Variants in ABCA1 observed in about 807,000 individuals in gnomAD.
ABCA1 encodes ATP binding cassette subfamily A member 1.
Under a neutral mutation model 262.5 loss-of-function variants are expected in ABCA1, and 133 were observed. The observed-to-expected ratio is 0.51, with a 90% CI of 0.44 to 0.59. The LOEUF is 0.59. Ranked by LOEUF, ABCA1 falls within the 20% of genes least tolerant of loss-of-function variation. The pLI is 0.00. For missense variants in ABCA1, 2,452 were observed against 2,777.5 expected (o/e 0.88, Z 2.63); for synonymous variants, 1,022 against 1,043.5 (o/e 0.98, Z 0.40).
intron 4 of ABCA1, among the ~76,000 whole-genome samples, chr9:104,884,181 T>C (rs1588501181): frequency 1.3e-5 from 2 of 152,098 alleles, no homozygotes; most frequent in Non-Finnish European, 2.9e-5. Flanking sequence ...TATTCCAAAA[T>C]AGCTAGCAGA....
chr9:104,800,543 A>T lies in ABCA1; in HGVS notation c.4740T>A (p.Phe1580Leu). Reference sequence around the variant, plus strand: ...TATTTTTGGTGTCCAGTCCTGTCATAAATCTTCCCAAGCTGTTGAGAAATC... The same window carrying T: ...TATTTTTGGTGTCCAGTCCTGTCATTAATCTTCCCAAGCTGTTGAGAAATC... ...ADRFLNSLGR[F>L]MTGLDTKNNV... Residue 1580 changes from phenylalanine to leucine, a missense_variant, in exon 35 of 50, where the codon TTT becomes TTA. Phe to Leu is a conservative substitution (Grantham distance 22). Coordinates refer to ENST00000374736, the MANE Select transcript of ABCA1 (RefSeq NM_005502.4). 1 of 1,614,138 alleles carries T rather than the reference A, an allele frequency of 6.2e-7. No individual in the cohort carries two copies. Among genetic ancestry groups the T allele is most frequent in the East Asian group, 2.2e-5 (1 of 44,884 alleles).
intron 4 of ABCA1, among the ~76,000 whole-genome samples, chr9:104,883,583 G>A (rs1450301845): frequency 6.6e-6 from 1 of 152,200 alleles, no homozygotes; most frequent in Non-Finnish European, 1.5e-5. Flanking sequence ...AAAAATGTAT[G>A]AATAATCATG....
At chr9:104,835,564 T>C (rs147923633) in intron 11 of ABCA1, among the ~76,000 whole-genome samples, 1 of 152,284 alleles carries the variant, frequency 6.6e-6, no homozygotes, top group East Asian at 1.9e-4. Flanking sequence ...TCTTGCCTCA[T>C]CCTTCTTCAA....
intron 2 of ABCA1, among the ~76,000 whole-genome samples, chr9:104,892,295 T>C (rs1839820023): frequency 1.3e-5 from 2 of 152,084 alleles, no homozygotes; most frequent in Non-Finnish European, 2.9e-5. Context: ...TTTCTTTTTT[T>C]TTAATAGCAA....
At chr9:104,857,490 CGAAA>C (rs1835946357) in intron 7 of ABCA1, among the ~76,000 whole-genome samples, 1 of 152,222 alleles carries the variant, frequency 6.6e-6, no homozygotes, top group African/African-American at 2.4e-5. Context: ...CCGTGGCATC[CGAAA>C]GTGGTGGGAT....
intron 1 of ABCA1, among the ~76,000 whole-genome samples, chr9:104,909,239 A>C (rs1337029400): frequency 6.6e-6 from 1 of 152,232 alleles, no homozygotes; most frequent in Non-Finnish European, 1.5e-5. Flanking sequence ...ATCACATGCC[A>C]GGTGTGTTCC....
intron 7 of ABCA1, among the ~76,000 whole-genome samples, chr9:104,852,677 G>A (rs1835476397): frequency 6.6e-6 from 1 of 151,864 alleles, no homozygotes; most frequent in Admixed American, 6.6e-5. Flanking sequence ...AGAGTCTGAA[G>A]AGTAAATCTA....
At chr9:104,900,574 G>A (rs1019703226) in intron 2 of ABCA1, among the ~76,000 whole-genome samples, 1 of 152,228 alleles carries the variant, frequency 6.6e-6, no homozygotes, top group African/African-American at 2.4e-5. Flanking sequence ...TCTAAGCCAG[G>A]TGGATTGGAA....
chr9:104,845,456 T>A (rs1452835656), intron 8 of ABCA1, 21 bp downstream of exon 8: 2 of 1,575,034 alleles, frequency 1.3e-6, no homozygotes, highest in Non-Finnish European at 1.7e-6. Context: ...CGCTTCCTGG[T>A]ACTGGAAAGA....
intron 29 of ABCA1, 43 bp from the exon 30 acceptor site, chr9:104,809,607 A>C (rs1365381555): frequency 6.0e-6 from 9 of 1,511,646 alleles, no homozygotes; most frequent in Non-Finnish European, 8.3e-6. Flanking sequence ...ATTCATTAAA[A>C]CCAGTAATCG....
intron 28 of ABCA1, among the ~76,000 whole-genome samples, chr9:104,812,112 C>T (rs1412167016): frequency 1.3e-5 from 2 of 152,182 alleles, no homozygotes; most frequent in Non-Finnish European, 2.9e-5. Context: ...TTGAGTTAAA[C>T]ATCAACTCAG....
intron 2 of ABCA1, among the ~76,000 whole-genome samples, chr9:104,896,123 C>G (rs191649587): frequency 6.6e-6 from 1 of 152,220 alleles, no homozygotes; most frequent in East Asian, 1.9e-4. Flanking sequence ...AGAGAACTCA[C>G]AAAGTTAACT....
intron 3 of ABCA1, among the ~76,000 whole-genome samples, chr9:104,887,722 CTTTTT>C (rs56828334): frequency 3.0e-5 from 3 of 98,848 alleles, no homozygotes; most frequent in South Asian, 4.0e-4. Context: ...TCAGTTTATG[CTTTTT>C]TTTTTTTTTT....
At chr9:104,855,597 T>C in intron 7 of ABCA1, 1 of 1,317,214 alleles carries the variant, frequency 7.6e-7, no homozygotes, top group Non-Finnish European at 1.0e-6. Context: ...TGAGCACCTA[T>C]TGTGTGCCAG....
At chr9:104,910,619 T>C (rs1473650256) in intron 1 of ABCA1, among the ~76,000 whole-genome samples, 1 of 152,240 alleles carries the variant, frequency 6.6e-6, no homozygotes, top group Admixed American at 6.5e-5. Context: ...TGTATTCCAC[T>C]TTGTTCAACA....
intron 48 of ABCA1, among the ~76,000 whole-genome samples, chr9:104,786,007 G>A (rs1348031539): frequency 6.6e-6 from 1 of 152,076 alleles, no homozygotes; most frequent in Non-Finnish European, 1.5e-5. Context: ...CACCAGTACT[G>A]GCACATGTAA....
At position 104,825,864 on chromosome 9, in the gene ABCA1, A is replaced by C; in HGVS notation, c.2361T>G (p.Phe787Leu). 1 of 1,614,140 alleles carries C rather than the reference A, an allele frequency of 6.2e-7. No individual in the cohort carries two copies. The highest frequency in any genetic ancestry group is 1.1e-5 in the South Asian group (1 of 91,082). Residue 787 changes from phenylalanine to leucine, a missense_variant, in exon 17 of 50, where the codon TTT (phenylalanine) becomes TTG (leucine). Transcript: ENST00000374736. ...IFASLLSPVA[F>L]GFGCEYFALF... Reference sequence around the variant, plus strand: ...GGGCAAAGTACTCACAGCCAAACCCAAAAGCCACAGGAGACAGCAGGCTCT... The same window carrying C: ...GGGCAAAGTACTCACAGCCAAACCCCAAAGCCACAGGAGACAGCAGGCTCT...
intron 5 of ABCA1, among the ~76,000 whole-genome samples, chr9:104,872,881 C>T (rs976798056): frequency 1.2e-4 from 18 of 152,230 alleles, no homozygotes; most frequent in Non-Finnish European, 5.9e-5. Context: ...TGTGGGGATA[C>T]ACACTATTCT....
At chr9:104,818,407 C>T (rs1831971000) in intron 23 of ABCA1, among the ~76,000 whole-genome samples, 1 of 152,084 alleles carries the variant, frequency 6.6e-6, no homozygotes, top group Admixed American at 6.6e-5. Context: ...ATAATAATGT[C>T]CTCTAAGGAC....
Sources: allele counts gnomAD v4.1 joint callset (sites outside exome capture counted in the v4.1 genomes callset), GRCh38; gene constraint gnomAD v4.1.1; transcripts MANE v1.5; gene names NCBI Gene and HGNC (gene_info 2026-07-23, HGNC 2026-07-21).